The following ZNF23 variants were observed in gnomAD, a reference collection of about 807,000 sequenced individuals.
ZNF23 encodes kruppel-like zinc finger factor X31.
Under a neutral mutation model 56.2 loss-of-function variants are expected in ZNF23, and 48 were observed. That is an observed-to-expected ratio of 0.85 (90% CI 0.68 to 1.09). The LOEUF (loss-of-function observed/expected upper bound fraction) is 1.09, where lower values mean the gene tolerates loss of function less well. Ranked by LOEUF, ZNF23 falls within the 50% of genes least tolerant of loss-of-function variation. The pLI, the probability that ZNF23 is intolerant of heterozygous loss-of-function variation, is 0.00. For missense variants in ZNF23, 805 were observed against 811.4 expected (o/e 0.99, Z 0.10); for synonymous variants, 266 against 283.3 (o/e 0.94, Z 0.61).
At chr16:71,456,198 C>G in intron 2 of ZNF23, 1 of 382,618 alleles carries the variant, frequency 2.6e-6, no homozygotes, top group East Asian at 7.5e-5. Flanking sequence ...TCCTGCAGGA[C>G]AGGGTGGAAA....
chr16:71,459,383 A>T (rs541263731), intron 1 of ZNF23, among the ~76,000 whole-genome samples: 5 of 152,262 alleles, frequency 3.3e-5, no homozygotes, highest in African/African-American at 1.2e-4. Context: ...GAGCATACCA[A>T]TGCATCCTTG....
chr16:71,450,135 A>G (rs1250781902), intron 4 of ZNF23: 1 of 334,752 alleles, frequency 3.0e-6, no homozygotes, highest in Non-Finnish European at 5.3e-6. Context: ...AAGTTGAAAA[A>G]ACAGTATATA....
intron 1 of ZNF23, among the ~76,000 whole-genome samples, chr16:71,458,341 T>C (rs1312815639): frequency 6.6e-6 from 1 of 152,226 alleles, no homozygotes; most frequent in Non-Finnish European, 1.5e-5. Flanking sequence ...CTTCCAGGAT[T>C]TCAACTTTAC....
intron 2 of ZNF23, among the ~76,000 whole-genome samples, chr16:71,454,941 C>T (rs1438564104): frequency 1.3e-5 from 2 of 152,166 alleles, no homozygotes; most frequent in African/African-American, 4.8e-5. Flanking sequence ...CTCCCAGGCC[C>T]AACCACCCCT....
Position 71,448,319 on chromosome 16 carries a change from A to G in ZNF23, c.1835T>C (p.Phe612Ser), listed in dbSNP as rs1467189171. Residue 612 changes from phenylalanine to serine, a missense_variant, in exon 5 of 5, where the codon TTC (phenylalanine) becomes TCC (serine). Physicochemically the swap from Phe to Ser is radical, Grantham distance 155 (BLOSUM62 -2). Transcript: ENST00000647773. ...PFQCKECGKA[F>S]HVNAHLIRHQ... ...CCGAATTAAATGGGCATTAACATGG[A>G]AGGCTTTTCCACACTCCTTACACTG... is the stretch of plus-strand genomic sequence containing the variant. 6 of 1,614,048 alleles carry G rather than the reference A, an allele frequency of 3.7e-6. No homozygotes were observed. In the South Asian group the frequency reaches 6.6e-5, roughly 18 times the overall value.
Position 71,448,274 on chromosome 16 carries a change from C to G in ZNF23, c.1880G>C (p.Gly627Ala). Residue 627 changes from glycine to alanine, a missense_variant, in exon 5 of 5, where the codon GGG (glycine) becomes GCG (alanine). Coordinates refer to ENST00000647773, the MANE Select transcript of ZNF23 (RefSeq NM_001381984.1). ...TTCCACACATCTGAAGGGTTTCTCCCCAGTGTGGCTTCTCTGATGCCGAAT... is the reference window on the plus strand; with the variant it reads ...TTCCACACATCTGAAGGGTTTCTCCGCAGTGTGGCTTCTCTGATGCCGAAT... ...HLIRHQRSHT[G>A]EKPFRCVECG... is the part of the protein sequence containing the mutation. The G allele has an allele frequency of 6.2e-7, 1 of 1,614,204 alleles. No homozygotes were observed. Among genetic ancestry groups the G allele is most frequent in the South Asian group, 1.1e-5 (1 of 91,086 alleles).
intron 2 of ZNF23, 43 bp from the exon 3 acceptor site, chr16:71,454,211 C>T: frequency 6.3e-7 from 1 of 1,594,088 alleles, no homozygotes; most frequent in South Asian, 1.1e-5. Context: ...AATTCCATAG[C>T]TCAGGCCCTA....
In ZNF23 at chr16:71,448,795, G is replaced by T. The variant is rs893871803; in HGVS notation, c.1359C>A (p.His453Gln). ...GTTTCTCGCCTGTGTGAATTCTCTG[G>T]TGTTGGATTAACTTCCCTTTGACAC... ...AFSVKGKLIQ[H>Q]QRIHTGEKPY... Residue 453 changes from histidine to glutamine, a missense_variant, in exon 5 of 5, where the codon CAC (histidine) becomes CAA (glutamine). Physicochemically the swap from His to Gln is conservative, Grantham distance 24 (BLOSUM62 0). Transcript: ENST00000647773. 1.9e-6 allele frequency: 3 copies of T among 1,613,974 alleles called. No individual in the cohort carries two copies. In the African/African-American group the frequency reaches 4.0e-5, roughly 22 times the overall value.
chr16:71,449,541 T>G lies in ZNF23; in HGVS notation c.613A>C (p.Asn205His), dbSNP rs1052748745. 6.2e-7 allele frequency: 1 copy of G among 1,614,142 alleles called. No homozygotes were observed. The highest frequency in any genetic ancestry group is 8.5e-7 in the Non-Finnish European group (1 of 1,180,024). ...DTKLVKHEII[N>H]SEERPFKCEE... is the part of the protein sequence containing the mutation. ...CATTTGAAAGGTCTTTCCTCAGAAT[T>G]AATTATTTCATGCTTCACGAGTTTT... Residue 205 changes from asparagine (N) to histidine (H), a missense_variant, in exon 5 of 5, where the codon AAT (asparagine) becomes CAT (histidine). By Grantham distance (68) the Asn-to-His change is moderately conservative. Transcript: ENST00000647773.
In ZNF23 at chr16:71,448,528, A is replaced by C; in HGVS notation, c.1626T>G (p.Thr542=). Residue 542 remains threonine (T), a synonymous_variant, in exon 5 of 5, where the codon ACT becomes ACG. Coordinates refer to ENST00000647773, the MANE Select transcript of ZNF23 (RefSeq NM_001381984.1). ...RNLLDHHRIH[T]GEKPYQCKEC... ...CCTTACATTGATAGGGCTTTTCTCC[A>C]GTATGGATTCGGTGATGATCAAGTA... 6.2e-7 allele frequency: 1 copy of C among 1,613,742 alleles called. No homozygotes were observed.
intron 1 of ZNF23, among the ~76,000 whole-genome samples, chr16:71,458,261 G>C (rs2043310419): frequency 6.6e-6 from 1 of 152,194 alleles, no homozygotes; most frequent in Non-Finnish European, 1.5e-5. Flanking sequence ...ATATGGACTA[G>C]TGATTTTCTG....
chr16:71,450,810 C>T (rs1314818550), intron 4 of ZNF23: 5 of 314,456 alleles, frequency 1.6e-5, no homozygotes, highest in Non-Finnish European at 3.2e-5. Flanking sequence ...TTTTCTACAC[C>T]CTGCAGTTTC....
At position 71,448,569 on chromosome 16, in the gene ZNF23, T is replaced by C. The variant is rs756055759; in HGVS notation, c.1585A>G (p.Thr529Ala). Reference sequence around the variant, plus strand: ...TGATCAAGTAGGTTTCTTTTAGAAGTAAAGCATCTCCCACACTCATTACAT... The same window carrying C: ...TGATCAAGTAGGTTTCTTTTAGAAGCAAAGCATCTCCCACACTCATTACAT... ...FECNECGRCF[T>A]SKRNLLDHHR... Residue 529 changes from threonine to alanine, a missense_variant, in exon 5 of 5, where the codon ACT (threonine) becomes GCT (alanine). Thr to Ala is a moderately conservative substitution (Grantham distance 58). Coordinates refer to ENST00000647773, the MANE Select transcript of ZNF23 (RefSeq NM_001381984.1). 1 of 1,614,086 alleles carries C rather than the reference T, an allele frequency of 6.2e-7. No homozygotes were observed. The highest frequency in any genetic ancestry group is 1.3e-5 in the African/African-American group (1 of 74,996).
At chr16:71,457,163 C>T (rs1038399734) in intron 1 of ZNF23, among the ~76,000 whole-genome samples, 1 of 152,168 alleles carries the variant, frequency 6.6e-6, no homozygotes, top group Admixed American at 6.5e-5. Context: ...GGCACGGTGG[C>T]TCGTGCCTAT....
chr16:71,458,214 C>T (rs917553713), intron 1 of ZNF23, among the ~76,000 whole-genome samples: 3 of 152,192 alleles, frequency 2.0e-5, no homozygotes, highest in South Asian at 2.1e-4. Flanking sequence ...CAGCCAGTCC[C>T]GTGACCCAGA....
In ZNF23 at chr16:71,448,221, C is replaced by G. The variant is rs1238762617; in HGVS notation, c.1933G>C (p.Asp645His). The change falls in exon 5 of 5, where the codon GAC becomes CAC. Residue 645 changes from aspartate to histidine, a missense_variant. Physicochemically the swap from Asp to His is moderately conservative, Grantham distance 81 (BLOSUM62 -1). Transcript: ENST00000647773. ...TGGACTGTCTGATGTATAATGTAGT[C>G]AGAACTAAAGCTGAAGCCTTTGCCA... ...ECGKGFSFSS[D>H]YIIHQTVHTW... The G allele has an allele frequency of 6.8e-6, 11 of 1,614,066 alleles. No homozygotes were observed. Among genetic ancestry groups the G allele is most frequent in the African/African-American group, 6.7e-5 (5 of 74,922 alleles).
At chr16:71,449,954 TA>T (rs1387925731) in intron 4 of ZNF23, 69 bp from the exon 5 acceptor site, 2 of 1,270,834 alleles carry the variant, frequency 1.6e-6, no homozygotes, top group Non-Finnish European at 2.1e-6. Flanking sequence ...AACTGTGCTA[TA>T]AAAGACCATA....
At position 71,448,461 on chromosome 16, in the gene ZNF23, G is replaced by A. The variant is rs1261400429; in HGVS notation, c.1693C>T (p.His565Tyr). 3 of 1,614,198 alleles carry A rather than the reference G, an allele frequency of 1.9e-6. No individual in the cohort carries two copies. Among genetic ancestry groups the A allele is most frequent in the Non-Finnish European group, 2.5e-6 (3 of 1,180,022 alleles). Residue 565 changes from histidine (H) to tyrosine (Y), a missense_variant, in exon 5 of 5, where the codon CAT (histidine) becomes TAT (tyrosine). Transcript: ENST00000647773. ...TTCTCCCCAGTATGTATCCTCTGAT[G>A]CCTAGTTAGTTTGGCATTGATACTG... is the stretch of plus-strand genomic sequence containing the variant. ...AFSINAKLTRHQRIHTGEKPF... is the reference protein window; with the variant it reads ...AFSINAKLTRYQRIHTGEKPF...
chr16:71,459,856 TAAAA>T (rs1046280151), intron 1 of ZNF23, among the ~76,000 whole-genome samples: 2 of 152,192 alleles, frequency 1.3e-5, no homozygotes, highest in Non-Finnish European at 2.9e-5. Context: ...CATGTCCATT[TAAAA>T]AAATATATTA....
Sources: gnomAD v4.1 joint callset for allele counts (sites outside exome capture counted in the v4.1 genomes callset) on GRCh38, gnomAD v4.1.1 for gene constraint, MANE v1.5 for transcripts, NCBI Gene and HGNC (gene_info 2026-07-23, HGNC 2026-07-21) for gene names.